Variants in SLC28A1 observed in about 807,000 individuals in gnomAD.
SLC28A1 encodes the protein sodium/nucleoside cotransporter 1.
In SLC28A1, 64 loss-of-function variants were observed where a neutral mutation model predicts 74.8. The observed-to-expected ratio is 0.86, with a 90% CI of 0.70 to 1.05. The LOEUF (loss-of-function observed/expected upper bound fraction) is 1.05, where lower values mean the gene tolerates loss of function less well. SLC28A1 is among the 50% of genes least tolerant of loss of function. The probability of loss-of-function intolerance (pLI) is 0.00; values close to 1 mark genes in which losing one functional copy is unlikely to be tolerated. For synonymous variants in SLC28A1, 359 were observed against 335.0 expected (o/e 1.07, Z -0.78); for missense variants, 828 against 822.8 (o/e 1.01, Z -0.08).
At chr15:84,923,488 A>G (rs959507094) in intron 11 of SLC28A1, among the ~76,000 whole-genome samples, 3 of 152,152 alleles carry the variant, frequency 2.0e-5, no homozygotes, top group African/African-American at 7.2e-5. Context: ...TGAATGAGTA[A>G]TGAAGGGCTT....
At chr15:84,906,552 CTTTCTTTCTTTCTCTTT>C (rs1567140246) in intron 8 of SLC28A1, among the ~76,000 whole-genome samples, 62 of 85,392 alleles carry the variant, frequency 7.3e-4, no homozygotes, top group South Asian at 2.0e-3. Flanking sequence ...TTCTTTCTTT[CTTTCTTTCTTTCTCTTT>C]CTTTCTTCCT....
chr15:84,923,041 G>A (rs963777696), intron 11 of SLC28A1, among the ~76,000 whole-genome samples: 2 of 152,170 alleles, frequency 1.3e-5, no homozygotes, highest in South Asian at 2.1e-4. Context: ...GGGTTCAAGC[G>A]ATTCTCGTGC....
intron 5 of SLC28A1, among the ~76,000 whole-genome samples, chr15:84,890,822 G>A (rs1965293369): frequency 6.6e-6 from 1 of 152,216 alleles, no homozygotes; most frequent in Non-Finnish European, 1.5e-5. Context: ...AGGACTTCCA[G>A]GAGGAGGTGA....
At position 84,889,753 on chromosome 15, in the gene SLC28A1, C is replaced by CTTCT; in HGVS notation, c.186-687_186-686insTTTC. 7.5e-5 allele frequency among the ~76,000 whole-genome samples: 3 copies of CTTCT among 40,066 alleles called. 1 individual carries two copies. Among genetic ancestry groups the CTTCT allele is most frequent in the African/African-American group, 1.8e-4 (3 of 17,006 alleles). 26.3% of individuals were successfully genotyped at this position (40,066 alleles called of 152,430 possible). A position where few individuals can be genotyped will look rare whatever the true frequency, so the allele number is the denominator to read the frequency against. On this transcript the variant is annotated intron_variant, in intron 4 of 18. Coordinates refer to ENST00000394573, the MANE Select transcript of SLC28A1 (RefSeq NM_004213.5). ...CCTTCCTTCCTTCCTTCCTTCCTTC[C>CTTCT]TTCCTTCCTTCCTTTTCTTTCTCTC...
the SLC28A1 span, among the ~76,000 whole-genome samples, chr15:84,966,595 A>G: frequency 1.3e-5 from 2 of 152,210 alleles, no homozygotes; most frequent in Non-Finnish European, 2.9e-5. Flanking sequence ...GGCAATTTAC[A>G]AAAGAAAGAG....
chr15:84,914,108 C>A (rs1257917396), intron 9 of SLC28A1, among the ~76,000 whole-genome samples: 1 of 152,082 alleles, frequency 6.6e-6, no homozygotes, highest in Non-Finnish European at 1.5e-5. Flanking sequence ...GCCACCATGC[C>A]CAGCTAATTT....
chr15:84,908,912 G>C, intron 9 of SLC28A1, 117 bp downstream of exon 9: 2 of 840,566 alleles, frequency 2.4e-6, no homozygotes, highest in South Asian at 2.8e-5. Flanking sequence ...TGTGGGCAGA[G>C]GTCGCCGTAC....
At chr15:84,922,744 C>T (rs1203257789) in intron 11 of SLC28A1, among the ~76,000 whole-genome samples, 8 of 152,248 alleles carry the variant, frequency 5.3e-5, no homozygotes, top group Admixed American at 3.9e-4. Context: ...GCGGCTCCCC[C>T]GCGCCCATCT....
At chr15:84,908,591 C>CG in intron 8 of SLC28A1, 127 bp from the exon 9 acceptor site, 2 of 763,966 alleles carry the variant, frequency 2.6e-6, no homozygotes, top group Non-Finnish European at 2.3e-6. Flanking sequence ...GGTGGTGCCC[C>CG]CCCCCGGATA....
At chr15:84,886,570 C>T (rs1468078099) in intron 1 of SLC28A1, 102 bp from the exon 2 acceptor site, 8 of 985,354 alleles carry the variant, frequency 8.1e-6, no homozygotes, top group South Asian at 4.7e-5. Flanking sequence ...TCCCTGAGAC[C>T]GTGTTGGGGT....
intron 12 of SLC28A1, among the ~76,000 whole-genome samples, chr15:84,932,126 C>T (rs537310678): frequency 6.6e-6 from 1 of 152,266 alleles, no homozygotes; most frequent in South Asian, 2.1e-4. Context: ...GTTTGTTTCC[C>T]CACTGCCCCT....
chr15:84,905,524 T>G lies in SLC28A1; in HGVS notation c.604-15T>G. ...CAAGGAACTGAACTCAGCTTTCTGTTGGGTGGGGTGGTAGGTGTCCTGGAG... is the reference window on the plus strand; with the variant it reads ...CAAGGAACTGAACTCAGCTTTCTGTGGGGTGGGGTGGTAGGTGTCCTGGAG... On this transcript the variant is annotated splice_polypyrimidine_tract_variant and intron_variant, in intron 7 of 18. Coordinates refer to ENST00000394573, the MANE Select transcript of SLC28A1 (RefSeq NM_004213.5). 2 of 1,564,072 alleles carry G rather than the reference T, an allele frequency of 1.3e-6. No homozygotes were observed. The highest frequency in any genetic ancestry group is 1.8e-6 in the Non-Finnish European group (2 of 1,134,558).
At chr15:84,909,279 C>T (rs940675421) in intron 9 of SLC28A1, among the ~76,000 whole-genome samples, 2 of 152,200 alleles carry the variant, frequency 1.3e-5, no homozygotes, top group South Asian at 2.1e-4. Flanking sequence ...TTACTAGTCC[C>T]GCTGCAATAG....
chr15:84,908,689 T>C, intron 8 of SLC28A1, 29 bp from the exon 9 acceptor site: 1 of 1,582,130 alleles, frequency 6.3e-7, no homozygotes, highest in Non-Finnish European at 8.6e-7. Flanking sequence ...TCACTGCCTG[T>C]TTTTGTTTGT....
At chr15:84,908,690 TTTTG>T in intron 8 of SLC28A1, 24 bp from the exon 9 acceptor site, 1 of 1,588,758 alleles carries the variant, frequency 6.3e-7, no homozygotes, top group South Asian at 1.1e-5. Context: ...CACTGCCTGT[TTTTG>T]TTTGTTTTGC....
chr15:84,909,204 A>G (rs1226940070), intron 9 of SLC28A1, among the ~76,000 whole-genome samples: 1 of 152,064 alleles, frequency 6.6e-6, no homozygotes, highest in Non-Finnish European at 1.5e-5. Flanking sequence ...TTAGGCTCAA[A>G]TGATCCTCTC....
chr15:84,924,224 C>T (rs1217623801), intron 12 of SLC28A1, 114 bp downstream of exon 12: 5 of 1,293,186 alleles, frequency 3.9e-6, no homozygotes, highest in Non-Finnish European at 4.4e-6. Context: ...CTTGGGCCTG[C>T]TGTGCTGGCA....
the SLC28A1 span, among the ~76,000 whole-genome samples, chr15:84,960,228 CTTTTTTTTTTTTTTTTTTTTTTTTTTTT>C: frequency 8.2e-5 from 7 of 85,590 alleles, no homozygotes; most frequent in South Asian, 3.7e-4. Flanking sequence ...TGCCTGCCTG[CTTTTTTTTTTTTTTTTTTTTTTTTTTTT>C]TTTTTTTTTT....
intron 6 of SLC28A1, among the ~76,000 whole-genome samples, chr15:84,901,468 C>G (rs1966678938): frequency 6.6e-6 from 1 of 152,032 alleles, no homozygotes; most frequent in Non-Finnish European, 1.5e-5. Context: ...GATCTTGTGC[C>G]TCTGCACTCC....
Sources: allele counts gnomAD v4.1 joint callset (sites outside exome capture counted in the v4.1 genomes callset), GRCh38; gene constraint gnomAD v4.1.1; transcripts MANE v1.5; gene names NCBI Gene and HGNC (gene_info 2026-07-23, HGNC 2026-07-21).